SSBP3: variants seen among roughly 807,000 people sequenced by gnomAD.
SSBP3 encodes the protein single stranded DNA binding protein 3.
Under a neutral mutation model 69.6 loss-of-function variants are expected in SSBP3, and 5 were observed. That is an observed-to-expected ratio of 0.07 (90% CI 0.04 to 0.15). SSBP3 has a LOEUF of 0.15. Ranked by LOEUF, SSBP3 falls within the 10% of genes least tolerant of loss-of-function variation. The probability of loss-of-function intolerance (pLI) is 1.00; values close to 1 mark genes in which losing one functional copy is unlikely to be tolerated. For synonymous variants in SSBP3, 196 were observed against 193.4 expected, an observed-to-expected ratio of 1.01 and a Z score of -0.11; for missense variants, 312 against 534.0, an observed-to-expected ratio of 0.58 and a Z score of 4.10.
intron 2 of SSBP3, 46 bp downstream of exon 2, chr1:54,404,812 G>GGA: frequency 2.0e-6 from 2 of 1,018,038 alleles, no homozygotes; most frequent in Non-Finnish European, 1.5e-6. Context: ...GAATAGTGGG[G>GGA]GGGGGGGGTG....
At chr1:54,381,150 C>T (rs757056462) in intron 4 of SSBP3, among the ~76,000 whole-genome samples, 169 of 151,754 alleles carry the variant, frequency 1.1e-3, no homozygotes, top group Admixed American at 2.1e-3. Flanking sequence ...TCTGGGAGGC[C>T]GAGGCTGGTG....
intron 4 of SSBP3, among the ~76,000 whole-genome samples, chr1:54,381,679 G>A (rs996093063): frequency 2.6e-5 from 4 of 152,158 alleles, no homozygotes; most frequent in African/African-American, 9.7e-5. Flanking sequence ...GACCACAAAG[G>A]TATCATTTAC....
Position 54,331,299 on chromosome 1 carries a change from T to G in SSBP3, c.277-49772A>C, listed in dbSNP as rs142114692. Among the ~76,000 whole-genome samples, 50 of 152,224 alleles carry G rather than the reference T, an allele frequency of 3.3e-4. 2 individuals are homozygous for G. The highest frequency in any genetic ancestry group is 5.9e-4 in the Non-Finnish European group (40 of 68,018). On this transcript the variant is annotated intron_variant, in intron 4 of 17. Transcript: ENST00000610401. ...CAGATGCCCAACCACTTCCAGATGC[T>G]ACAGTCTCGGATATCCTTGGTTAAG...
At chr1:54,285,865 G>C (rs1468555872) in intron 4 of SSBP3, among the ~76,000 whole-genome samples, 2 of 152,194 alleles carry the variant, frequency 1.3e-5, no homozygotes, top group Non-Finnish European at 2.9e-5. Context: ...AGAAGCTAGA[G>C]ATCTCCTAGC....
At position 54,240,887 on chromosome 1, in the gene SSBP3, C is replaced by T. The variant is rs1051810065; in HGVS notation, c.856+18G>A. On this transcript the variant is annotated intron_variant, in intron 13 of 17. Coordinates refer to ENST00000610401, the Ensembl canonical transcript of SSBP3. ...CCTCCACCACCAGACCCCCCACTTTCCCCTCAAGCGCTCTTACCTGCGGGA... is the reference window on the plus strand; with the variant it reads ...CCTCCACCACCAGACCCCCCACTTTTCCCTCAAGCGCTCTTACCTGCGGGA... 3 of 1,613,012 alleles carry T rather than the reference C, an allele frequency of 1.9e-6. No individual in the cohort carries two copies.
chr1:54,362,574 G>A (rs1056216842), intron 4 of SSBP3, among the ~76,000 whole-genome samples: 8 of 152,176 alleles, frequency 5.3e-5, no homozygotes, highest in Non-Finnish European at 1.0e-4. Flanking sequence ...GGGCTCCTCC[G>A]GGCAGCCCCT....
chr1:54,233,175 G>A (rs576890997), intron 14 of SSBP3, among the ~76,000 whole-genome samples: 17 of 151,596 alleles, frequency 1.1e-4, no homozygotes, highest in Non-Finnish European at 2.1e-4. Context: ...AGGAAGTGAG[G>A]AGCGTCTCTG....
intron 14 of SSBP3, among the ~76,000 whole-genome samples, chr1:54,235,273 GTTTT>G (rs200538399): frequency 1.8e-5 from 2 of 112,034 alleles, no homozygotes; most frequent in African/African-American, 3.5e-5. Flanking sequence ...AAGATGTCCA[GTTTT>G]TTTTTTTTTT....
At position 54,386,683 on chromosome 1, in the gene SSBP3, C is replaced by CTTTTTTTTTTTTT. The variant is rs58429798; in HGVS notation, c.276+15165_276+15177dup. 7.6e-3 allele frequency among the ~76,000 whole-genome samples: 578 copies of CTTTTTTTTTTTTT among 76,008 alleles called. 85 individuals carry two copies. The highest frequency in any genetic ancestry group is 0.016 in the East Asian group (44 of 2,808). 49.9% of individuals were successfully genotyped at this position (76,008 alleles called of 152,430 possible). ...ATCCACAATGTATAAACTGATCCTA[C>CTTTTTTTTTTTTT]TTTTTTTTTTTTTTTTTTTTTAAGA... is the stretch of plus-strand genomic sequence containing the variant. On this transcript the variant is annotated intron_variant, in intron 4 of 17. Transcript: ENST00000610401.
At chr1:54,373,818 T>C (rs1330646358) in intron 4 of SSBP3, among the ~76,000 whole-genome samples, 1 of 149,912 alleles carries the variant, frequency 6.7e-6, no homozygotes, top group Non-Finnish European at 1.5e-5. Flanking sequence ...CAGCTCAGAA[T>C]TGCCCCCAAC....
intron 4 of SSBP3, among the ~76,000 whole-genome samples, chr1:54,282,656 G>C (rs551332824): frequency 2.5e-4 from 38 of 152,334 alleles, no homozygotes; most frequent in African/African-American, 8.9e-4. Flanking sequence ...GCGAGGCTGA[G>C]ACATCTGGGC....
chr1:54,242,322 C>T, intron 10 of SSBP3, 110 bp from the exon 11 acceptor site: 2 of 1,303,984 alleles, frequency 1.5e-6, no homozygotes, highest in South Asian at 1.3e-5. Context: ...GGAAGTCCTT[C>T]CTACAGCCCT....
intron 9 of SSBP3, among the ~76,000 whole-genome samples, chr1:54,246,360 T>TA (rs1179080488): frequency 1.3e-5 from 2 of 152,234 alleles, no homozygotes; most frequent in African/African-American, 4.8e-5. Flanking sequence ...CCCAGGCCTA[T>TA]TCTCCACTGT....
chr1:54,320,897 A>C (rs544734208), intron 4 of SSBP3, among the ~76,000 whole-genome samples: 6 of 152,372 alleles, frequency 3.9e-5, no homozygotes, highest in South Asian at 2.1e-4. Context: ...TGAATGAACA[A>C]GAGTACAAAA....
At chr1:54,291,218 A>G (rs143813541) in intron 4 of SSBP3, among the ~76,000 whole-genome samples, 1 of 152,260 alleles carries the variant, frequency 6.6e-6, no homozygotes, top group East Asian at 1.9e-4. Flanking sequence ...TCTTTCAAGG[A>G]TGGGAGCCCA....
intron 5 of SSBP3, among the ~76,000 whole-genome samples, chr1:54,265,830 C>T (rs769432004): frequency 5.9e-5 from 9 of 152,330 alleles, no homozygotes; most frequent in Non-Finnish European, 8.8e-5. Context: ...CTCCCTTCCT[C>T]CTAGCAGTCT....
intron 4 of SSBP3, among the ~76,000 whole-genome samples, chr1:54,348,240 T>TGGGGGGG (rs201005897): frequency 6.2e-4 from 1 of 1,606 alleles, no homozygotes; most frequent in African/African-American, 2.6e-3. Context: ...ATAGAAGGCA[T>TGGGGGGG]GGGGGGCGGG....
intron 4 of SSBP3, among the ~76,000 whole-genome samples, chr1:54,374,308 C>T (rs889386029): frequency 1.3e-5 from 2 of 152,194 alleles, no homozygotes; most frequent in Non-Finnish European, 2.9e-5. Flanking sequence ...TGGTTCCTGC[C>T]GCTACTCACA....
intron 14 of SSBP3, among the ~76,000 whole-genome samples, chr1:54,231,797 C>A (rs1052835738): frequency 1.3e-5 from 2 of 152,256 alleles, no homozygotes; most frequent in South Asian, 4.1e-4. Flanking sequence ...TGGGTTCAAG[C>A]GATTCTCATG....
Sources: gnomAD v4.1 joint callset for allele counts (sites outside exome capture counted in the v4.1 genomes callset) on GRCh38, gnomAD v4.1.1 for gene constraint, MANE v1.5 for transcripts, NCBI Gene and HGNC (gene_info 2026-07-23, HGNC 2026-07-21) for gene names.